Variants in NOTCH2NLC observed in about 807,000 individuals in gnomAD.
NOTCH2NLC encodes the protein notch homolog 2 N-terminal-like protein C.
A neutral mutation model predicts 17.7 loss-of-function variants in NOTCH2NLC; 4 were observed. The ratio of observed to expected loss-of-function variants is 0.23; its 90% CI spans 0.11 to 0.52. The LOEUF (loss-of-function observed/expected upper bound fraction) is 0.52. Among genes scored for constraint, NOTCH2NLC ranks in the 20% least tolerant of loss-of-function variants. The pLI, the probability that NOTCH2NLC is intolerant of heterozygous loss-of-function variation, is 0.96. For synonymous variants in NOTCH2NLC, 18 were observed against 86.0 expected, an observed-to-expected ratio of 0.21 and a Z score of 4.38; for missense variants, 57 against 207.2, an observed-to-expected ratio of 0.28 and a Z score of 4.45.
At position 149,390,935 on chromosome 1, in the gene NOTCH2NLC, C is replaced by G. The variant is rs1378847379; in HGVS notation, c.135+13C>G. 1.4e-4 allele frequency: 187 copies of G among 1,383,730 alleles called. 4 individuals carry two copies. In the Middle Eastern group the frequency reaches 4.5e-3, roughly 33 times the overall value. 85.7% of individuals were successfully genotyped at this position (1,383,730 alleles called of 1,614,324 possible). The stretch of plus-strand genomic sequence containing the variant: ...ACCCCCGCGCATGGTGAGTATCGGG[C>G]TGAGGGGCGCTGTCCGCGGCGCCCG... On this transcript the variant is annotated intron_variant, in intron 1 of 4. Coordinates refer to ENST00000650865, the MANE Select transcript of NOTCH2NLC (RefSeq NM_001364013.2).
chr1:149,419,055 CTTTT>C (rs1164824221), intron 1 of NOTCH2NLC, among the ~76,000 whole-genome samples: 1 of 137,374 alleles, frequency 7.3e-6, no homozygotes, highest in African/African-American at 2.7e-5. Context: ...TTTTTTCTTT[CTTTT>C]TTTTCTTTTC....
intron 1 of NOTCH2NLC, among the ~76,000 whole-genome samples, chr1:149,428,766 G>A (rs1222084629): frequency 2.7e-5 from 4 of 148,822 alleles, no homozygotes; most frequent in Admixed American, 2.7e-4. Flanking sequence ...TAGGGGTACA[G>A]ACAGGATTTC....
At chr1:149,462,211 G>C (rs2084654492) in intron 3 of NOTCH2NLC, among the ~76,000 whole-genome samples, 1 of 148,006 alleles carries the variant, frequency 6.8e-6, no homozygotes, top group South Asian at 2.2e-4. Flanking sequence ...ACAACAAAAA[G>C]CCAGCCATGT....
At chr1:149,462,126 T>TATAATAATA (rs1332169696) in intron 3 of NOTCH2NLC, among the ~76,000 whole-genome samples, 3 of 143,338 alleles carry the variant, frequency 2.1e-5, no homozygotes, top group African/African-American at 5.2e-5. Flanking sequence ...GAACTTAAAG[T>TATAATAATA]ATAATAATAA....
chr1:149,417,097 CTTTTTTTTTTTTTTTTT>C (rs1171555647), intron 1 of NOTCH2NLC, among the ~76,000 whole-genome samples: 38 of 69,570 alleles, frequency 5.5e-4, no homozygotes, highest in Admixed American at 3.3e-3. Flanking sequence ...TCAGGTTTTC[CTTTTTTTTTTTTTTTTT>C]TTTTTTTTTT....
chr1:149,433,775 C>T lies in NOTCH2NLC; in HGVS notation c.209+2760C>T, dbSNP rs1301049890. Among the ~76,000 whole-genome samples, 122 of 149,924 alleles carry T rather than the reference C, an allele frequency of 8.1e-4. 1 individual carries two copies. The highest frequency in any genetic ancestry group is 2.8e-3 in the African/African-American group (115 of 40,888). ...CATCCTGGCTAACACGGTGAAATCCCATCTCTACTAAAAATGCAAAAGATT... is the reference window on the plus strand; with the variant it reads ...CATCCTGGCTAACACGGTGAAATCCTATCTCTACTAAAAATGCAAAAGATT... On this transcript the variant is annotated intron_variant, in intron 2 of 4. Transcript: ENST00000650865.
Position 149,471,358 on chromosome 1 carries a change from T to A in NOTCH2NLC, c.*7205T>A, listed in dbSNP as rs1231015899. Among the ~76,000 whole-genome samples the A allele has an allele frequency of 6.7e-6, 1 of 149,734 alleles. No individual in the cohort carries two copies. The highest frequency in any genetic ancestry group is 1.5e-5 in the Non-Finnish European group (1 of 67,246). On this transcript the variant is annotated 3_prime_UTR_variant, in exon 5 of 5. Coordinates refer to ENST00000650865, the MANE Select transcript of NOTCH2NLC (RefSeq NM_001364013.2). Reference sequence around the variant, plus strand: ...TACAATTTATTTTTTCTTTTGTTGCTTGTGCTTTCAGTCATATTTGTGAAA... The same window carrying A: ...TACAATTTATTTTTTCTTTTGTTGCATGTGCTTTCAGTCATATTTGTGAAA...
chr1:149,394,587 T>G (rs1440768765), intron 1 of NOTCH2NLC, among the ~76,000 whole-genome samples: 2 of 151,014 alleles, frequency 1.3e-5, no homozygotes, highest in Admixed American at 1.3e-4. Context: ...TCATACATGT[T>G]GTTTTTTGAC....
chr1:149,406,933 G>A (rs2084273389), intron 1 of NOTCH2NLC, among the ~76,000 whole-genome samples: 1 of 151,492 alleles, frequency 6.6e-6, no homozygotes, highest in Non-Finnish European at 1.5e-5. Context: ...CATGGCCAAC[G>A]CAAGATTATG....
At chr1:149,413,873 A>G (rs2084314192) in intron 1 of NOTCH2NLC, among the ~76,000 whole-genome samples, 2 of 151,042 alleles carry the variant, frequency 1.3e-5, no homozygotes, top group East Asian at 2.0e-4. Flanking sequence ...TTGGTCCCCC[A>G]TGCAGAATGC....
At chr1:149,402,270 G>C (rs1467204174) in intron 1 of NOTCH2NLC, among the ~76,000 whole-genome samples, 28 of 150,364 alleles carry the variant, frequency 1.9e-4, no homozygotes, top group Admixed American at 7.3e-4. Flanking sequence ...TAGTAGAGAC[G>C]GGGTTTCTCT....
In NOTCH2NLC at chr1:149,457,653, A is replaced by T. The variant is rs1376821836; in HGVS notation, c.469+2076A>T. On this transcript the variant is annotated intron_variant, in intron 3 of 4. Transcript: ENST00000650865. ...AGGAGAGCCAGTCTTGAGTTCCAAA[A>T]CCGAAGAACTTGGGGTTCGATATTT... is the stretch of plus-strand genomic sequence containing the variant. 5.3e-4 allele frequency among the ~76,000 whole-genome samples: 79 copies of T among 150,094 alleles called. 1 individual carries two copies. The highest frequency in any genetic ancestry group is 1.8e-3 in the African/African-American group (72 of 40,990).
At chr1:149,415,120 C>T (rs1259643317) in intron 1 of NOTCH2NLC, among the ~76,000 whole-genome samples, 1 of 111,116 alleles carries the variant, frequency 9.0e-6, no homozygotes, top group Non-Finnish European at 1.8e-5. Flanking sequence ...GGTAAAGGCT[C>T]CTTTTTTTTT....
At chr1:149,430,394 T>A (rs2084441280) in intron 1 of NOTCH2NLC, among the ~76,000 whole-genome samples, 1 of 139,126 alleles carries the variant, frequency 7.2e-6, no homozygotes, top group South Asian at 2.4e-4. Flanking sequence ...CCATTTCTCC[T>A]TTTTTCTGGA....
In NOTCH2NLC at chr1:149,446,117, G is replaced by A. The variant is rs1315800367; in HGVS notation, c.210-9201G>A. ...CACTGTTTTAAGCTTTTCTGTAGACGAGTGGCTATTCACTTAGGAAACGTG... is the reference window on the plus strand; with the variant it reads ...CACTGTTTTAAGCTTTTCTGTAGACAAGTGGCTATTCACTTAGGAAACGTG... On this transcript the variant is annotated intron_variant, in intron 2 of 4. Coordinates refer to ENST00000650865, the MANE Select transcript of NOTCH2NLC (RefSeq NM_001364013.2). 3.9e-4 allele frequency among the ~76,000 whole-genome samples: 39 copies of A among 99,950 alleles called. 1 individual carries two copies. The highest frequency in any genetic ancestry group is 7.3e-4 in the Non-Finnish European group (36 of 49,628). 65.6% of individuals were successfully genotyped at this position (99,950 alleles called of 152,430 possible).
chr1:149,460,915 C>T (rs1296202223), intron 3 of NOTCH2NLC, among the ~76,000 whole-genome samples: 1 of 116,346 alleles, frequency 8.6e-6, no homozygotes, highest in African/African-American at 3.2e-5. Context: ...TTCTTTCTTT[C>T]TCTCTCTTTC....
At chr1:149,451,366 A>T in intron 2 of NOTCH2NLC, among the ~76,000 whole-genome samples, 1 of 149,826 alleles carries the variant, frequency 6.7e-6, no homozygotes, top group East Asian at 2.0e-4. Context: ...AGAAAGAGAA[A>T]TATCTGAAAT....
intron 2 of NOTCH2NLC, among the ~76,000 whole-genome samples, chr1:149,442,117 C>T (rs2084523215): frequency 2.0e-5 from 3 of 150,958 alleles, no homozygotes; most frequent in Middle Eastern, 3.4e-3. Flanking sequence ...TACCTCCATT[C>T]TGTGCTCAAG....
intron 3 of NOTCH2NLC, among the ~76,000 whole-genome samples, chr1:149,460,762 A>T (rs2084639944): frequency 6.7e-6 from 1 of 148,854 alleles, no homozygotes; most frequent in Admixed American, 6.7e-5. Context: ...GCTCATCTCC[A>T]CTCAGAGATG....
Sources: allele counts gnomAD v4.1 joint callset (sites outside exome capture counted in the v4.1 genomes callset), GRCh38; gene constraint gnomAD v4.1.1; transcripts MANE v1.5; gene names NCBI Gene and HGNC (gene_info 2026-07-23, HGNC 2026-07-21).